AQP9: variants seen among roughly 807,000 people sequenced by gnomAD.
The protein encoded by AQP9 is aquaporin-9.
In AQP9, 19 loss-of-function variants were observed where a neutral mutation model predicts 23.8. The ratio of observed to expected loss-of-function variants is 0.80; its 90% confidence interval spans 0.56 to 1.17. The LOEUF is 1.17. Among genes scored for constraint, AQP9 ranks in the 50% most tolerant of loss-of-function variants. AQP9 has a pLI of 0.00. For synonymous variants in AQP9, 153 were observed against 131.5 expected, an observed-to-expected ratio of 1.16 and a Z score of -1.12; for missense variants, 413 against 362.0, an observed-to-expected ratio of 1.14 and a Z score of -1.14.
intron 1 of AQP9, chr15:58,146,769 C>G (rs1179581082): frequency 1.3e-5 from 2 of 152,158 alleles, no homozygotes; most frequent in Non-Finnish European, 2.9e-5. Context: ...ATACCGCCAG[C>G]CAGAAATGAT....
At chr15:58,172,375 A>G (rs1898643407) in intron 2 of AQP9, among the ~76,000 whole-genome samples, 1 of 152,248 alleles carries the variant, frequency 6.6e-6, no homozygotes, top group Admixed American at 6.5e-5. Flanking sequence ...GACCAACCAC[A>G]GAGCAAACTC....
intron 3 of AQP9, among the ~76,000 whole-genome samples, chr15:58,173,668 C>T (rs866121153): frequency 1.2e-4 from 19 of 152,226 alleles, no homozygotes; most frequent in Non-Finnish European, 1.5e-4. Flanking sequence ...ACAGCCAGGG[C>T]TTCCACTCTG....
intron 2 of AQP9, among the ~76,000 whole-genome samples, chr15:58,168,078 G>A (rs1012762962): frequency 8.0e-5 from 12 of 150,926 alleles, no homozygotes; most frequent in South Asian, 4.2e-4. Context: ...CTGGAGTGTC[G>A]TGGCAGGATC....
At position 58,184,365 on chromosome 15, in the gene AQP9, A is replaced by C; in HGVS notation, c.*230A>C. 2.1e-6 allele frequency: 1 copy of C among 475,644 alleles called. No homozygotes were observed. The allele number at this position is 475,644 out of a possible 1,614,324, so 29.5% of individuals were successfully genotyped here. On this transcript the variant is annotated 3_prime_UTR_variant, in exon 6 of 6. Coordinates refer to ENST00000219919, the MANE Select transcript of AQP9 (RefSeq NM_020980.5). ...CAGAATAACGCTGACTGTCCCCTGA[A>C]ACAGCCTTCTCTCCTGCCCTGTTTA...
At chr15:58,176,116 A>G (rs1213098067) in intron 4 of AQP9, among the ~76,000 whole-genome samples, 1 of 152,220 alleles carries the variant, frequency 6.6e-6, no homozygotes, top group African/African-American at 2.4e-5. Context: ...GAAGTTACTT[A>G]TGAGGATAAA....
At chr15:58,160,566 G>T (rs1404097659) in intron 1 of AQP9, among the ~76,000 whole-genome samples, 2 of 151,870 alleles carry the variant, frequency 1.3e-5, no homozygotes, top group Non-Finnish European at 2.9e-5. Flanking sequence ...AAAGAATTAG[G>T]GTAATCACTC....
chr15:58,145,685 G>A (rs946264413), intron 1 of AQP9, among the ~76,000 whole-genome samples: 11 of 151,752 alleles, frequency 7.2e-5, no homozygotes, highest in African/African-American at 2.7e-4. Context: ...AAATATTTTT[G>A]TTTGCTTATT....
At chr15:58,140,877 G>A (rs547914365) in intron 1 of AQP9, among the ~76,000 whole-genome samples, 2 of 151,792 alleles carry the variant, frequency 1.3e-5, no homozygotes, top group Non-Finnish European at 2.9e-5. Flanking sequence ...TATAAATTAC[G>A]GGTCCCCAAC....
At chr15:58,175,875 T>C (rs147604172) in intron 4 of AQP9, among the ~76,000 whole-genome samples, 101 of 152,322 alleles carry the variant, frequency 6.6e-4, no homozygotes, top group African/African-American at 2.3e-3. Context: ...CATCAATAAA[T>C]CAAACAGGCA....
intron 1 of AQP9, among the ~76,000 whole-genome samples, chr15:58,145,507 C>T (rs1898029155): frequency 6.6e-6 from 1 of 151,296 alleles, no homozygotes. Flanking sequence ...AAAAAATTAC[C>T]CATATATATA....
chr15:58,172,457 G>C (rs140248453), intron 2 of AQP9, among the ~76,000 whole-genome samples: 2 of 152,322 alleles, frequency 1.3e-5, no homozygotes, highest in East Asian at 3.9e-4. Flanking sequence ...GCTGGGCTCA[G>C]GAAAGGGTTG....
chr15:58,147,927 G>C (rs1307636368), intron 1 of AQP9, among the ~76,000 whole-genome samples: 1 of 151,824 alleles, frequency 6.6e-6, no homozygotes, highest in Admixed American at 6.6e-5. Flanking sequence ...CACACACACA[G>C]AGGCACATGC....
chr15:58,145,456 CA>C (rs1344331749), intron 1 of AQP9, among the ~76,000 whole-genome samples: 2 of 149,484 alleles, frequency 1.3e-5, no homozygotes, highest in Non-Finnish European at 3.0e-5. Flanking sequence ...CAAAGCACTC[CA>C]GCCTGGGCAA....
At chr15:58,169,402 AT>A (rs1363820017) in intron 2 of AQP9, among the ~76,000 whole-genome samples, 3 of 152,324 alleles carry the variant, frequency 2.0e-5, no homozygotes, top group African/African-American at 7.2e-5. Context: ...CTTTGGGAAC[AT>A]TTTGGGAACA....
chr15:58,179,021 A>C (rs1434755263), intron 4 of AQP9, 107 bp from the exon 5 acceptor site: 2 of 767,946 alleles, frequency 2.6e-6, no homozygotes, highest in East Asian at 5.4e-5. Context: ...TAATATAAGT[A>C]AAATAGTAAT....
intron 1 of AQP9, among the ~76,000 whole-genome samples, chr15:58,146,537 A>T (rs764733666): frequency 5.9e-5 from 9 of 152,130 alleles, no homozygotes; most frequent in Admixed American, 2.0e-4. Context: ...ATAATATTTT[A>T]AACCTGTTCT....
Position 58,184,124 on chromosome 15 carries a change from G to C in AQP9, c.877G>C (p.Val293Leu), listed in dbSNP as rs1340272838. The change falls in exon 6 of 6, where the codon GTC becomes CTC. Residue 293 changes from valine (V) to leucine (L), a missense_variant. By Grantham distance (32) the Val-to-Leu change is conservative. Transcript: ENST00000219919. ...EDKPEKYELS[V>L]IM is the part of the protein sequence containing the mutation. ...CAAACCAGAGAAATATGAACTCAGT[G>C]TCATCATGTAGTGGCATGCTCAGCT... 2.5e-6 allele frequency: 4 copies of C among 1,614,008 alleles called. No homozygotes were observed. Among genetic ancestry groups the C allele is most frequent in the Non-Finnish European group, 3.4e-6 (4 of 1,179,936 alleles).
At chr15:58,172,382 ACT>A (rs1898643591) in intron 2 of AQP9, among the ~76,000 whole-genome samples, 1 of 152,158 alleles carries the variant, frequency 6.6e-6, no homozygotes, top group Admixed American at 6.5e-5. Flanking sequence ...CACAGAGCAA[ACT>A]CTCTATTTGA....
At chr15:58,163,779 C>A (rs1898439117) in intron 1 of AQP9, among the ~76,000 whole-genome samples, 1 of 152,082 alleles carries the variant, frequency 6.6e-6, no homozygotes, top group Non-Finnish European at 1.5e-5. Context: ...ACAGTTCTCT[C>A]ATTTTTGGAG....
Sources: gnomAD v4.1 joint callset for allele counts (sites outside exome capture counted in the v4.1 genomes callset) on GRCh38, gnomAD v4.1.1 for gene constraint, MANE v1.5 for transcripts, NCBI Gene and HGNC (gene_info 2026-07-23, HGNC 2026-07-21) for gene names.